PARD3: variants seen among roughly 807,000 people sequenced by gnomAD.
PARD3 encodes par-3 family cell polarity regulator.
PARD3 carries 75 observed loss-of-function variants against 155.4 expected under a neutral mutation model. The observed-to-expected ratio is 0.48, with a 90% CI of 0.40 to 0.58. The LOEUF (loss-of-function observed/expected upper bound fraction) is 0.58, where lower values mean the gene tolerates loss of function less well. PARD3 is among the 20% of genes least tolerant of loss of function. The probability of loss-of-function intolerance (pLI) is 0.00; values close to 1 mark genes in which losing one functional copy is unlikely to be tolerated. For synonymous variants in PARD3, 576 were observed against 610.5 expected, an observed-to-expected ratio of 0.94 and a Z score of 0.83; for missense variants, 1,642 against 1,721.7, an observed-to-expected ratio of 0.95 and a Z score of 0.82.
At chr10:34,225,858 C>T (rs1952573027) in intron 22 of PARD3, among the ~76,000 whole-genome samples, 1 of 151,824 alleles carries the variant, frequency 6.6e-6, no homozygotes, top group Admixed American at 6.6e-5. Flanking sequence ...ACATCAAAAG[C>T]ATGATGAAGG....
intron 5 of PARD3, among the ~76,000 whole-genome samples, chr10:34,414,515 G>A (rs1367760638): frequency 1.3e-5 from 2 of 151,810 alleles, no homozygotes; most frequent in Admixed American, 6.6e-5. Flanking sequence ...TGAATCTACT[G>A]ACCACAGTTA....
chr10:34,665,361 AC>A (rs56255911), intron 2 of PARD3, among the ~76,000 whole-genome samples: 62,882 of 149,442 alleles, frequency 0.42, 14,137 homozygotes, highest in African/African-American at 0.61. Flanking sequence ...AAAAAAACAA[AC>A]AAAAAAAAAT....
At chr10:34,380,998 G>A (rs1341703034) in intron 9 of PARD3, among the ~76,000 whole-genome samples, 1 of 152,152 alleles carries the variant, frequency 6.6e-6, no homozygotes, top group Non-Finnish European at 1.5e-5. Context: ...AGCTAAAGGG[G>A]TTTCTGTTGA....
chr10:34,447,710 C>T (rs1298476001), intron 5 of PARD3, among the ~76,000 whole-genome samples: 3 of 150,752 alleles, frequency 2.0e-5, no homozygotes, highest in Non-Finnish European at 2.9e-5. Flanking sequence ...GAGGCTGAGG[C>T]AGGGGAATTG....
At chr10:34,363,161 A>G (rs1839617819) in intron 12 of PARD3, among the ~76,000 whole-genome samples, 1 of 152,214 alleles carries the variant, frequency 6.6e-6, no homozygotes, top group Non-Finnish European at 1.5e-5. Context: ...TTACATTTCC[A>G]TAACATTTTA....
intron 2 of PARD3, among the ~76,000 whole-genome samples, chr10:34,652,601 T>G (rs1185684463): frequency 2.0e-5 from 3 of 152,126 alleles, no homozygotes; most frequent in Non-Finnish European, 4.4e-5. Context: ...TGGATCGGCC[T>G]CACATAAAAA....
chr10:34,419,196 T>C (rs1204486051), intron 5 of PARD3, among the ~76,000 whole-genome samples: 5 of 151,842 alleles, frequency 3.3e-5, no homozygotes, highest in Admixed American at 2.6e-4. Flanking sequence ...AAAGGTTCAG[T>C]GTTGAGGGGA....
intron 22 of PARD3, among the ~76,000 whole-genome samples, chr10:34,166,010 C>T (rs1180060443): frequency 2.0e-5 from 3 of 152,172 alleles, no homozygotes; most frequent in East Asian, 3.8e-4. Flanking sequence ...TTAATGCTAT[C>T]GCTATTCTGT....
At chr10:34,225,338 GT>G (rs1252763048) in intron 22 of PARD3, among the ~76,000 whole-genome samples, 1 of 150,082 alleles carries the variant, frequency 6.7e-6, no homozygotes, top group Admixed American at 6.6e-5. Context: ...GACTGGACTA[GT>G]TTTTTTTCTC....
intron 3 of PARD3, among the ~76,000 whole-genome samples, chr10:34,492,981 T>G (rs1409995993): frequency 6.6e-6 from 1 of 152,174 alleles, no homozygotes; most frequent in Non-Finnish European, 1.5e-5. Context: ...AGAACGAAAG[T>G]GTTTACCATT....
At chr10:34,300,263 AAC>A (rs1187295717) in intron 20 of PARD3, among the ~76,000 whole-genome samples, 1 of 152,314 alleles carries the variant, frequency 6.6e-6, no homozygotes, top group East Asian at 1.9e-4. Flanking sequence ...ACCCTGGGAA[AAC>A]ACAGTCTGGA....
At chr10:34,130,149 C>T (rs921462586) in intron 23 of PARD3, among the ~76,000 whole-genome samples, 1 of 152,128 alleles carries the variant, frequency 6.6e-6, no homozygotes, top group African/African-American at 2.4e-5. Flanking sequence ...TCTGAACTAT[C>T]GCCTCTACTT....
intron 5 of PARD3, among the ~76,000 whole-genome samples, chr10:34,405,975 C>A (rs781602183): frequency 1.3e-5 from 2 of 152,152 alleles, no homozygotes; most frequent in Non-Finnish European, 2.9e-5. Context: ...ATGAAGACTT[C>A]TGTTCTGTGT....
At chr10:34,530,089 C>T (rs2082740128) in intron 2 of PARD3, among the ~76,000 whole-genome samples, 1 of 151,978 alleles carries the variant, frequency 6.6e-6, no homozygotes, top group Admixed American at 6.6e-5. Flanking sequence ...AGGTCTTCAT[C>T]GTCATCATCT....
chr10:34,609,502 A>G (rs2090722371), intron 2 of PARD3, among the ~76,000 whole-genome samples: 1 of 152,196 alleles, frequency 6.6e-6, no homozygotes, highest in Admixed American at 6.5e-5. Flanking sequence ...CCAGTTGGTT[A>G]AGGAGCGTAA....
intron 22 of PARD3, among the ~76,000 whole-genome samples, chr10:34,131,830 T>C (rs1947631592): frequency 6.6e-6 from 1 of 152,056 alleles, no homozygotes; most frequent in Admixed American, 6.5e-5. Context: ...TTTTTTGCAC[T>C]GTTCTTTAAA....
intron 2 of PARD3, among the ~76,000 whole-genome samples, chr10:34,566,758 T>C (rs982144562): frequency 1.3e-5 from 2 of 152,012 alleles, no homozygotes; most frequent in Non-Finnish European, 2.9e-5. Flanking sequence ...TTAACCAAAG[T>C]TTTTTTTACA....
At chr10:34,813,893 A>T (rs1033686658) in intron 1 of PARD3, among the ~76,000 whole-genome samples, 4 of 152,238 alleles carry the variant, frequency 2.6e-5, no homozygotes, top group African/African-American at 9.6e-5. Flanking sequence ...GGTGCTTGGG[A>T]GAAACTTCAG....
intron 3 of PARD3, 122 bp from the exon 4 acceptor site, chr10:34,470,385 A>T: frequency 1.5e-6 from 1 of 673,906 alleles, no homozygotes. Flanking sequence ...AAAAGGGGAC[A>T]AGTGGGTCAG....
Sources: allele counts gnomAD v4.1 joint callset (sites outside exome capture counted in the v4.1 genomes callset), GRCh38; gene constraint gnomAD v4.1.1; transcripts MANE v1.5; gene names NCBI Gene and HGNC (gene_info 2026-07-23, HGNC 2026-07-21).